Variants in MGAT5 observed in about 807,000 individuals in gnomAD.
MGAT5 encodes alpha-1,6-mannosylglycoprotein 6-beta-N-acetylglucosaminyltransferase, also known as alpha-1,6-mannosylglycoprotein 6-beta-N-acetylglucosaminyltransferase A.
A neutral mutation model predicts 94.3 loss-of-function variants in MGAT5; 30 were observed. The ratio of observed to expected loss-of-function variants is 0.32; its 90% confidence interval spans 0.24 to 0.43. The LOEUF (loss-of-function observed/expected upper bound fraction) is 0.43. MGAT5 is among the 20% of genes least tolerant of loss of function. The pLI, the probability that MGAT5 is intolerant of heterozygous loss-of-function variation, is 1.00. For synonymous variants in MGAT5, 310 were observed against 322.9 expected, an observed-to-expected ratio of 0.96 and a Z score of 0.43; for missense variants, 691 against 905.5, an observed-to-expected ratio of 0.76 and a Z score of 3.04.
At chr2:134,286,609 G>A (rs913930973) in intron 2 of MGAT5, among the ~76,000 whole-genome samples, 1 of 151,852 alleles carries the variant, frequency 6.6e-6, no homozygotes, top group Non-Finnish European at 1.5e-5. Flanking sequence ...TAGTAGAGAC[G>A]GGGTTTTACC....
At chr2:134,283,304 GT>G (rs34292435) in intron 2 of MGAT5, among the ~76,000 whole-genome samples, 60,017 of 152,074 alleles carry the variant, frequency 0.39, 13,460 homozygotes, top group African/African-American at 0.6. Context: ...CTGGCACATG[GT>G]TAAGTGCTCA....
intron 1 of MGAT5, among the ~76,000 whole-genome samples, chr2:134,202,306 C>T (rs994651845): frequency 6.6e-6 from 1 of 152,204 alleles, no homozygotes; most frequent in Non-Finnish European, 1.5e-5. Flanking sequence ...GAGGGAGGAG[C>T]CCTTGTGAAT....
chr2:134,184,906 C>T (rs1483187859), intron 1 of MGAT5, among the ~76,000 whole-genome samples: 1 of 151,992 alleles, frequency 6.6e-6, no homozygotes, highest in Non-Finnish European at 1.5e-5. Flanking sequence ...GCTCTGCAGT[C>T]ATTTATTTTA....
intron 8 of MGAT5, among the ~76,000 whole-genome samples, chr2:134,349,390 T>C (rs1050138462): frequency 3.9e-5 from 6 of 152,190 alleles, no homozygotes; most frequent in African/African-American, 1.4e-4. Context: ...TCATATGCTT[T>C]AAGCAGAATA....
At chr2:134,175,129 C>A (rs1291844446) in intron 1 of MGAT5, among the ~76,000 whole-genome samples, 1 of 152,250 alleles carries the variant, frequency 6.6e-6, no homozygotes, top group Non-Finnish European at 1.5e-5. Flanking sequence ...TGTTCCTTCA[C>A]CTGCAGTGTC....
At chr2:134,195,811 G>A (rs1277105837) in intron 1 of MGAT5, among the ~76,000 whole-genome samples, 1 of 152,156 alleles carries the variant, frequency 6.6e-6, no homozygotes, top group Non-Finnish European at 1.5e-5. Flanking sequence ...TTTCCGTAGT[G>A]GATTTTATTT....
intron 1 of MGAT5, among the ~76,000 whole-genome samples, chr2:134,236,555 C>T (rs1681648981): frequency 6.6e-6 from 1 of 152,120 alleles, no homozygotes. Flanking sequence ...CCCCCTTTTG[C>T]TTGGCACTTC....
At chr2:134,353,031 G>A (rs1679486507) in intron 9 of MGAT5, among the ~76,000 whole-genome samples, 1 of 152,126 alleles carries the variant, frequency 6.6e-6, no homozygotes, top group African/African-American at 2.4e-5. Flanking sequence ...GCGGAAAGGT[G>A]GTTACCAAGT....
chr2:134,231,459 G>C (rs1681360883), intron 1 of MGAT5: 2 of 152,200 alleles, frequency 1.3e-5, no homozygotes, highest in African/African-American at 4.8e-5. Flanking sequence ...GCATTCCTCT[G>C]TGGTGGGTGG....
At chr2:134,429,413 G>A (rs909878362) in intron 14 of MGAT5, among the ~76,000 whole-genome samples, 20 of 152,186 alleles carry the variant, frequency 1.3e-4, no homozygotes, top group Admixed American at 7.9e-4. Flanking sequence ...GCAAGAGAGC[G>A]CGCTCTGCAG....
At chr2:134,364,525 A>G (rs1680302249) in intron 10 of MGAT5, among the ~76,000 whole-genome samples, 2 of 151,860 alleles carry the variant, frequency 1.3e-5, no homozygotes, top group African/African-American at 4.8e-5. Context: ...TCCCAAAACC[A>G]TTAACCATGT....
chr2:134,169,674 A>G (rs13391611), intron 1 of MGAT5, among the ~76,000 whole-genome samples: 12,779 of 152,234 alleles, frequency 0.084, 1,212 homozygotes, highest in African/African-American at 0.24. Flanking sequence ...TTCTTTATCT[A>G]TAGACACAGC....
intron 11 of MGAT5, among the ~76,000 whole-genome samples, chr2:134,403,528 TC>T (rs558625431): frequency 1.9e-3 from 288 of 152,314 alleles, no homozygotes; most frequent in Non-Finnish European, 3.3e-3. Flanking sequence ...GGAGTGGGTT[TC>T]CCAACCAGCT....
At chr2:134,282,311 C>G (rs1684744368) in intron 2 of MGAT5, among the ~76,000 whole-genome samples, 1 of 152,190 alleles carries the variant, frequency 6.6e-6, no homozygotes, top group East Asian at 1.9e-4. Context: ...AGCTGTCAAG[C>G]CAGGCACCTG....
upstream of MGAT5, among the ~76,000 whole-genome samples, chr2:134,251,737 C>A (rs1682615191): frequency 6.6e-6 from 1 of 152,094 alleles, no homozygotes; most frequent in African/African-American, 2.4e-5. Flanking sequence ...TGCACATCAC[C>A]CCCAAATAAT....
At position 134,254,325 on chromosome 2, in the gene MGAT5, C is replaced by T; in HGVS notation, c.-79C>T. 1.3e-6 allele frequency: 2 copies of T among 1,548,834 alleles called. No homozygotes were observed. The highest frequency in any genetic ancestry group is 1.4e-5 in the African/African-American group (1 of 73,520). On this transcript the variant is annotated 5_prime_UTR_variant, in exon 1 of 16. Coordinates refer to ENST00000281923, the MANE Select transcript of MGAT5 (RefSeq NM_002410.5). ...AGCCAGAGTGAGACCAGCAGACTCT[C>T]ACACTCAACCTACACCATGAATTTG...
chr2:134,315,728 G>T (rs181019629), intron 2 of MGAT5, among the ~76,000 whole-genome samples: 120 of 152,342 alleles, frequency 7.9e-4, no homozygotes, highest in South Asian at 1.7e-3. Flanking sequence ...AATAGAGGCG[G>T]AGTCATTCCC....
intron 1 of MGAT5, among the ~76,000 whole-genome samples, chr2:134,241,521 T>A (rs1368761498): frequency 6.6e-6 from 1 of 152,236 alleles, no homozygotes; most frequent in Non-Finnish European, 1.5e-5. Context: ...TGAATTTTAT[T>A]GACAAATTAT....
rs372422793 is a variant in MGAT5 at position 134,161,726 on chromosome 2, TTC to T, written c.-143+41440_-143+41441del. On this transcript the variant is annotated intron_variant, in intron 1 of 16. Transcript: ENST00000409645. ...TGCATATCGAGTTCAATCTGGATTT[TTC>T]TCTCAGCACTTCCGGCTCTCCTTTT... 6.0e-3 allele frequency among the ~76,000 whole-genome samples: 920 copies of T among 152,376 alleles called. 6 individuals carry two copies. The highest frequency in any genetic ancestry group is 0.02 in the African/African-American group (840 of 41,588).
Sources: allele counts gnomAD v4.1 joint callset (sites outside exome capture counted in the v4.1 genomes callset), GRCh38; gene constraint gnomAD v4.1.1; transcripts MANE v1.5; gene names NCBI Gene and HGNC (gene_info 2026-07-23, HGNC 2026-07-21).